The following TRAPPC9 variants were observed in gnomAD, a reference collection of about 807,000 sequenced individuals.
TRAPPC9 encodes trafficking protein particle complex subunit 9.
Under a neutral mutation model 124.0 loss-of-function variants are expected in TRAPPC9, and 83 were observed. The ratio of observed to expected loss-of-function variants is 0.67; its 90% CI spans 0.56 to 0.80. The LOEUF (loss-of-function observed/expected upper bound fraction) is 0.80, where lower values mean the gene tolerates loss of function less well. Ranked by LOEUF, TRAPPC9 falls within the 30% of genes least tolerant of loss-of-function variation. The pLI, the probability that TRAPPC9 is intolerant of heterozygous loss-of-function variation, is 0.00. For missense variants in TRAPPC9, 1,302 were observed against 1,508.3 expected, an observed-to-expected ratio of 0.86 and a Z score of 2.27; for synonymous variants, 638 against 617.5, an observed-to-expected ratio of 1.03 and a Z score of -0.49.
intron 17 of TRAPPC9, among the ~76,000 whole-genome samples, chr8:140,170,899 G>A (rs756313816): frequency 6.6e-6 from 1 of 152,218 alleles, no homozygotes; most frequent in Admixed American, 6.5e-5. Flanking sequence ...CCTCGGGCAG[G>A]TGACTGGGTC....
chr8:140,208,599 A>C (rs2062983314), intron 17 of TRAPPC9, among the ~76,000 whole-genome samples: 1 of 152,248 alleles, frequency 6.6e-6, no homozygotes, highest in African/African-American at 2.4e-5. Context: ...ACACACTGGA[A>C]GAGCAGAGCA....
chr8:139,829,877 G>A (rs904652138), intron 21 of TRAPPC9, among the ~76,000 whole-genome samples: 14 of 152,310 alleles, frequency 9.2e-5, no homozygotes, highest in South Asian at 4.1e-4. Context: ...AAGGTCACAC[G>A]CCTAGTGAGT....
At chr8:140,299,003 A>T (rs1046504547) in intron 11 of TRAPPC9, among the ~76,000 whole-genome samples, 3 of 152,200 alleles carry the variant, frequency 2.0e-5, no homozygotes, top group Non-Finnish European at 4.4e-5. Flanking sequence ...CTGGGAAGAG[A>T]ATCCCAGACA....
chr8:140,002,104 T>C (rs1428201551), intron 18 of TRAPPC9, among the ~76,000 whole-genome samples: 4 of 151,176 alleles, frequency 2.6e-5, no homozygotes, highest in African/African-American at 9.7e-5. Context: ...CATTATCTAA[T>C]ACCAAAACCA....
intron 17 of TRAPPC9, among the ~76,000 whole-genome samples, chr8:140,076,687 A>G (rs1843530354): frequency 6.6e-6 from 1 of 152,194 alleles, no homozygotes; most frequent in African/African-American, 2.4e-5. Flanking sequence ...TGGCACCCCA[A>G]GGCTGGCCTT....
intron 17 of TRAPPC9, among the ~76,000 whole-genome samples, chr8:140,135,333 C>A (rs2061281675): frequency 6.6e-6 from 1 of 152,168 alleles, no homozygotes; most frequent in Admixed American, 6.5e-5. Flanking sequence ...GGGATTCAAA[C>A]ATATAATTTA....
chr8:140,361,151 C>T (rs1215206533), intron 8 of TRAPPC9, among the ~76,000 whole-genome samples: 1 of 152,244 alleles, frequency 6.6e-6, no homozygotes, highest in Non-Finnish European at 1.5e-5. Context: ...CATAAATGCA[C>T]ATTCAAACTC....
chr8:139,925,269 C>T lies in TRAPPC9; in HGVS notation c.2811-14969G>A, dbSNP rs1054976364. Among the ~76,000 whole-genome samples, 18 of 152,320 alleles carry T rather than the reference C, an allele frequency of 1.2e-4. 1 individual carries two copies. Among genetic ancestry groups the T allele is most frequent in the Middle Eastern group, 6.8e-3 (2 of 294 alleles). On this transcript the variant is annotated intron_variant, in intron 19 of 22. Coordinates refer to ENST00000438773, the MANE Select transcript of TRAPPC9 (RefSeq NM_001160372.4). ...GGCAACAGCACTGGAGGCCGAAACT[C>T]TAACAGAAATATCGCCTTTCTGCCC...
intron 14 of TRAPPC9, among the ~76,000 whole-genome samples, chr8:140,278,043 G>A (rs1279896717): frequency 6.6e-6 from 1 of 152,108 alleles, no homozygotes; most frequent in East Asian, 1.9e-4. Flanking sequence ...GGGCTCAGCT[G>A]CCCTTCCTGT....
At chr8:139,859,841 G>A (rs1347979779) in intron 21 of TRAPPC9, among the ~76,000 whole-genome samples, 1 of 152,230 alleles carries the variant, frequency 6.6e-6, no homozygotes, top group East Asian at 1.9e-4. Context: ...ACCACGATAG[G>A]AGAGGGAAGG....
At chr8:140,105,596 T>C (rs538467980) in intron 17 of TRAPPC9, among the ~76,000 whole-genome samples, 1 of 152,004 alleles carries the variant, frequency 6.6e-6, no homozygotes, top group Non-Finnish European at 1.5e-5. Context: ...TGTGGACCTT[T>C]CTGGAATGAG....
intron 21 of TRAPPC9, among the ~76,000 whole-genome samples, chr8:139,827,132 A>G (rs1825694480): frequency 6.6e-6 from 1 of 152,170 alleles, no homozygotes; most frequent in Non-Finnish European, 1.5e-5. Flanking sequence ...AAGGGAAGGC[A>G]CTTGCCCCAC....
At chr8:140,293,288 A>G (rs1418257455) in intron 11 of TRAPPC9, among the ~76,000 whole-genome samples, 2 of 151,180 alleles carry the variant, frequency 1.3e-5, no homozygotes. Flanking sequence ...TAGTTCAACC[A>G]TTGTGGAAGT....
At chr8:140,373,785 C>A (rs1379474130) in intron 7 of TRAPPC9, among the ~76,000 whole-genome samples, 1 of 152,022 alleles carries the variant, frequency 6.6e-6, no homozygotes, top group Non-Finnish European at 1.5e-5. Flanking sequence ...TGATGTTGAA[C>A]CTTTTTCATA....
intron 17 of TRAPPC9, among the ~76,000 whole-genome samples, chr8:140,172,021 A>G (rs1020724962): frequency 2.6e-5 from 4 of 152,216 alleles, no homozygotes; most frequent in African/African-American, 4.8e-5. Context: ...AGAAAGGCTG[A>G]GTTCATATCT....
chr8:139,833,931 G>A (rs1329953767), intron 21 of TRAPPC9, among the ~76,000 whole-genome samples: 3 of 152,106 alleles, frequency 2.0e-5, no homozygotes, highest in Non-Finnish European at 4.4e-5. Context: ...AGCCCCTGGT[G>A]AGGAGGTGCC....
At chr8:140,164,400 C>T (rs1259671281) in intron 17 of TRAPPC9, among the ~76,000 whole-genome samples, 1 of 152,206 alleles carries the variant, frequency 6.6e-6, no homozygotes, top group Non-Finnish European at 1.5e-5. Flanking sequence ...TGCTATTAAT[C>T]GTGTATATCT....
chr8:139,766,641 C>T (rs1440741594), intron 21 of TRAPPC9, among the ~76,000 whole-genome samples: 2 of 152,190 alleles, frequency 1.3e-5, no homozygotes, highest in African/African-American at 2.4e-5. Context: ...ACGACCTAAC[C>T]GGCATCACGT....
At chr8:140,423,757 TA>T (rs2132537127) in intron 5 of TRAPPC9, among the ~76,000 whole-genome samples, 1 of 151,802 alleles carries the variant, frequency 6.6e-6, no homozygotes, top group South Asian at 2.1e-4. Context: ...TATATACATA[TA>T]TATATACACA....
Sources: allele counts gnomAD v4.1 joint callset (sites outside exome capture counted in the v4.1 genomes callset), GRCh38; gene constraint gnomAD v4.1.1; transcripts MANE v1.5; gene names NCBI Gene and HGNC (gene_info 2026-07-23, HGNC 2026-07-21).